Variants in NUDT6 observed in about 807,000 individuals in gnomAD.
The protein encoded by NUDT6 is nudix hydrolase 6, also known as FAD diphosphatase NUDT6.
In NUDT6, 24 loss-of-function variants were observed where a neutral mutation model predicts 36.8. That is an observed-to-expected ratio of 0.65 (90% CI 0.47 to 0.92). The LOEUF is 0.92. Among genes scored for constraint, NUDT6 ranks in the 40% least tolerant of loss-of-function variants. The pLI is 0.00. For missense variants in NUDT6, 388 were observed against 392.8 expected (o/e 0.99, Z 0.10); for synonymous variants, 163 against 157.0 (o/e 1.04, Z -0.29).
At chr4:122,895,012 A>G (rs1289680043) in intron 4 of NUDT6, 1 of 152,236 alleles carries the variant, frequency 6.6e-6, no homozygotes. Flanking sequence ...AGCAGTCACC[A>G]TAGCAGCTGA....
intron 2 of NUDT6, among the ~76,000 whole-genome samples, chr4:122,914,176 T>C (rs1011039530): frequency 2.6e-5 from 4 of 152,258 alleles, no homozygotes; most frequent in African/African-American, 7.2e-5. Flanking sequence ...ATGTAGAATA[T>C]AGAGAAGGAA....
chr4:122,901,943 C>G (rs1248087083), intron 3 of NUDT6, among the ~76,000 whole-genome samples: 1 of 152,174 alleles, frequency 6.6e-6, no homozygotes, highest in African/African-American at 2.4e-5. Flanking sequence ...CACAGACCTG[C>G]TAGCCTTTTC....
chr4:122,900,065 C>CCCG, intron 3 of NUDT6, among the ~76,000 whole-genome samples: 1 of 138,604 alleles, frequency 7.2e-6, no homozygotes, highest in East Asian at 2.3e-4. Context: ...CCACCCCCCC[C>CCCG]CCGGCCCCCA....
rs934578556 is a variant in NUDT6, at chr4:122,912,556, G to A, written c.498+12C>T. 6.4e-7 allele frequency: 1 copy of A among 1,570,456 alleles called. No homozygotes were observed. Among genetic ancestry groups the A allele is most frequent in the Non-Finnish European group, 8.8e-7 (1 of 1,142,178 alleles). On this transcript the variant is annotated intron_variant, in intron 3 of 4. Transcript: ENST00000304430. ...CATTTAGGAAGCAATTTATAAAACA[G>A]AAGCAGCTTACTTTATTTCGATCTT...
At chr4:122,920,509 A>C (rs1196382864) in intron 1 of NUDT6, 2 of 152,272 alleles carry the variant, frequency 1.3e-5, no homozygotes, top group African/African-American at 4.8e-5. Flanking sequence ...CAACGCATCT[A>C]TCCAGTAATT....
chr4:122,910,102 G>A (rs1036934815), intron 3 of NUDT6, among the ~76,000 whole-genome samples: 1 of 152,184 alleles, frequency 6.6e-6, no homozygotes, highest in South Asian at 2.1e-4. Context: ...AAAAGTTTTA[G>A]TGGTTTACCT....
At chr4:122,916,793 G>A (rs6856730) in intron 2 of NUDT6, among the ~76,000 whole-genome samples, 138,576 of 152,198 alleles carry the variant, frequency 0.91, 63,298 homozygotes, top group East Asian at 0.96. Context: ...CCATAGTCTC[G>A]AAGTGTTACA....
intron 2 of NUDT6, among the ~76,000 whole-genome samples, chr4:122,914,891 ATAAT>A (rs1330631487): frequency 3.9e-5 from 6 of 152,202 alleles, no homozygotes; most frequent in African/African-American, 1.4e-4. Flanking sequence ...GTGATACAAT[ATAAT>A]TAATTTACAT....
chr4:122,916,235 A>G (rs1351060868), intron 2 of NUDT6, among the ~76,000 whole-genome samples: 2 of 152,158 alleles, frequency 1.3e-5, no homozygotes, highest in African/African-American at 4.8e-5. Context: ...CTGTTTTAAG[A>G]TTCCAGGTGA....
rs1469563599 is a variant in NUDT6 at position 122,917,602 on chromosome 4, C to T, written c.341G>A (p.Cys114Tyr). The change falls in exon 2 of 5, where the codon TGC becomes TAC. Residue 114 changes from cysteine (C) to tyrosine (Y), a missense_variant. Cys to Tyr is a radical substitution (Grantham distance 194). Coordinates refer to ENST00000304430, the MANE Select transcript of NUDT6 (RefSeq NM_007083.5). ...FIAPAASLGF[C>Y]FHHAESDSST... ...TGAATCCGATTCTGCGTGGTGAAAG[C>T]AGAAGCCCAGGGAAGCAGCAGGGGC... 4.3e-6 allele frequency: 7 copies of T among 1,614,142 alleles called. No homozygotes were observed. Among genetic ancestry groups the T allele is most frequent in the East Asian group, 2.2e-5 (1 of 44,882 alleles).
At chr4:122,900,586 T>G (rs796146504) in intron 3 of NUDT6, among the ~76,000 whole-genome samples, 11 of 151,836 alleles carry the variant, frequency 7.2e-5, no homozygotes, top group African/African-American at 2.4e-4. Context: ...TGTGATAAAC[T>G]CAGTGTTAAA....
intron 1 of NUDT6, chr4:122,922,035 G>T: frequency 2.8e-6 from 1 of 355,882 alleles, no homozygotes; most frequent in Middle Eastern, 6.8e-4. Flanking sequence ...GGGGTCTGTG[G>T]AAGAGGAAAT....
chr4:122,914,226 T>A (rs1727787117), intron 2 of NUDT6, among the ~76,000 whole-genome samples: 1 of 152,146 alleles, frequency 6.6e-6, no homozygotes, highest in African/African-American at 2.4e-5. Flanking sequence ...TGAAATGCAA[T>A]TGAAATGAAA....
chr4:122,899,781 C>T (rs967706653), intron 3 of NUDT6, among the ~76,000 whole-genome samples: 17 of 152,034 alleles, frequency 1.1e-4, no homozygotes, highest in African/African-American at 2.4e-4. Flanking sequence ...ATTGTGCCAC[C>T]GCACTCCAGC....
At chr4:122,912,031 A>T (rs80354514) in intron 3 of NUDT6, among the ~76,000 whole-genome samples, 1 of 146,492 alleles carries the variant, frequency 6.8e-6, no homozygotes, top group Non-Finnish European at 1.5e-5. Flanking sequence ...TTTGTTTTTT[A>T]TTTTTTTTCT....
intron 3 of NUDT6, among the ~76,000 whole-genome samples, chr4:122,906,068 G>A (rs776938468): frequency 2.6e-4 from 39 of 152,136 alleles, no homozygotes; most frequent in Non-Finnish European, 3.7e-4. Flanking sequence ...ACTCAGGGTC[G>A]CAGGATCCCC....
chr4:122,915,782 C>T (rs930418541), intron 2 of NUDT6, among the ~76,000 whole-genome samples: 1 of 152,084 alleles, frequency 6.6e-6, no homozygotes, highest in Admixed American at 6.5e-5. Context: ...CATAACTTTC[C>T]ATTGAAGTGT....
At chr4:122,904,477 TAGAC>T (rs1337386701) in intron 3 of NUDT6, among the ~76,000 whole-genome samples, 4 of 151,940 alleles carry the variant, frequency 2.6e-5, no homozygotes, top group African/African-American at 9.7e-5. Flanking sequence ...TTTTTTTTTT[TAGAC>T]AGAGTCTTGC....
At chr4:122,899,590 G>C (rs1727468543) in intron 3 of NUDT6, among the ~76,000 whole-genome samples, 1 of 152,132 alleles carries the variant, frequency 6.6e-6, no homozygotes, top group Admixed American at 6.5e-5. Context: ...AGTGAGATGA[G>C]CATGTCTTCC....
Sources: allele counts gnomAD v4.1 joint callset (sites outside exome capture counted in the v4.1 genomes callset), GRCh38; gene constraint gnomAD v4.1.1; transcripts MANE v1.5; gene names NCBI Gene and HGNC (gene_info 2026-07-23, HGNC 2026-07-21).